The following SLC25A48 variants were observed in gnomAD, a reference collection of about 807,000 sequenced individuals.
The protein encoded by SLC25A48 is CTC-321K16.1.
Under a neutral mutation model 32.2 loss-of-function variants are expected in SLC25A48, and 29 were observed. The observed-to-expected ratio is 0.90, with a 90% CI of 0.67 to 1.23. The LOEUF (loss-of-function observed/expected upper bound fraction) is 1.23, where lower values mean the gene tolerates loss of function less well. Ranked by LOEUF, SLC25A48 falls within the 50% of genes most tolerant of loss-of-function variation. The probability of loss-of-function intolerance (pLI) is 0.00; values close to 1 mark genes in which losing one functional copy is unlikely to be tolerated. For missense variants in SLC25A48, 399 were observed against 422.7 expected (o/e 0.94, Z 0.49); for synonymous variants, 164 against 172.3 (o/e 0.95, Z 0.38).
intron 1 of SLC25A48, among the ~76,000 whole-genome samples, chr5:135,579,998 A>G (rs1751196945): frequency 2.0e-5 from 3 of 152,232 alleles, no homozygotes; most frequent in African/African-American, 2.4e-5. Context: ...TGTGAGAACT[A>G]TAGAAATCAT....
At chr5:135,825,531 A>T (rs558798422) in intron 4 of SLC25A48, among the ~76,000 whole-genome samples, 1 of 152,314 alleles carries the variant, frequency 6.6e-6, no homozygotes, top group East Asian at 1.9e-4. Flanking sequence ...TAGAGCAGAC[A>T]TGGGCCTGTC....
chr5:135,644,864 C>T (rs1752922177), intron 3 of SLC25A48, among the ~76,000 whole-genome samples: 2 of 152,210 alleles, frequency 1.3e-5, no homozygotes, highest in Admixed American at 1.3e-4. Context: ...AGGGACTTTC[C>T]ACCAAGGCTT....
rs200456511 is a variant in SLC25A48 at position 135,852,531 on chromosome 5, C to T, written c.163-32C>T. Reference sequence around the variant, plus strand: ...GGCTCTGCGACGGCAGCCCGGGGTCCTCACGCCTCTTCCTTCTGGTTTTCA... The same window carrying T: ...GGCTCTGCGACGGCAGCCCGGGGTCTTCACGCCTCTTCCTTCTGGTTTTCA... On this transcript the variant is annotated intron_variant, in intron 3 of 7. Coordinates refer to ENST00000681962, the MANE Select transcript of SLC25A48 (RefSeq NM_001349336.2). 1.9e-6 allele frequency: 3 copies of T among 1,569,212 alleles called. No individual in the cohort carries two copies. In the East Asian group the frequency reaches 6.8e-5, roughly 36 times the overall value.
intron 1 of SLC25A48, among the ~76,000 whole-genome samples, chr5:135,625,596 G>A (rs1030535062): frequency 1.3e-5 from 2 of 152,158 alleles, no homozygotes; most frequent in African/African-American, 4.8e-5. Flanking sequence ...TCACTCGGGA[G>A]TTAGCTCTGG....
chr5:135,835,561 G>C (rs1013223412), intron 1 of SLC25A48, among the ~76,000 whole-genome samples: 10 of 151,940 alleles, frequency 6.6e-5, no homozygotes, highest in Admixed American at 1.3e-4. Flanking sequence ...CCTGGGATGG[G>C]TTGCCTGGGC....
chr5:135,846,434 A>G (rs4976493), intron 2 of SLC25A48, among the ~76,000 whole-genome samples: 96,471 of 152,008 alleles, frequency 0.63, 30,777 homozygotes, highest in South Asian at 0.71. Context: ...ACCCAGTCCA[A>G]TCTGGGGCAT....
chr5:135,785,200 T>C (rs1376439143), intron 3 of SLC25A48, among the ~76,000 whole-genome samples: 3 of 152,076 alleles, frequency 2.0e-5, no homozygotes, highest in Admixed American at 6.5e-5. Flanking sequence ...AAAAAGTAAA[T>C]ACACTGTGTG....
At chr5:135,664,380 G>T (rs1580766535) in intron 3 of SLC25A48, among the ~76,000 whole-genome samples, 2 of 152,144 alleles carry the variant, frequency 1.3e-5, no homozygotes, top group Non-Finnish European at 2.9e-5. Flanking sequence ...CTGCATTCCA[G>T]TGGTGAGCAT....
At chr5:135,660,039 T>G (rs114085437) in intron 3 of SLC25A48, among the ~76,000 whole-genome samples, 2,021 of 152,302 alleles carry the variant, frequency 0.013, 45 homozygotes, top group African/African-American at 0.046. Context: ...GCACTTGATA[T>G]TGGATGCCTC....
In SLC25A48 at chr5:135,886,648, A is replaced by ATGTG. The variant is rs70976584; in HGVS notation, c.*8-1361_*8-1358dup. On this transcript the variant is annotated intron_variant, in intron 7 of 7. Transcript: ENST00000681962. ...ATATATATATATATAAAATATATAT[A>ATGTG]TGTGTGTGTGTGTGTGTGTGTGTGT... Among the ~76,000 whole-genome samples, 80 of 64,754 alleles carry ATGTG rather than the reference A, an allele frequency of 1.2e-3. 4 individuals are homozygous for ATGTG. The highest frequency in any genetic ancestry group is 2.0e-3 in the Non-Finnish European group (67 of 33,530). 42.5% of individuals were successfully genotyped at this position (64,754 alleles called of 152,430 possible). A position where few individuals can be genotyped will look rare whatever the true frequency, so the allele number is the denominator to read the frequency against.
intron 4 of SLC25A48, among the ~76,000 whole-genome samples, chr5:135,853,767 C>T (rs1760089510): frequency 6.6e-6 from 1 of 152,146 alleles, no homozygotes; most frequent in Admixed American, 6.5e-5. Flanking sequence ...TCCCATGAAC[C>T]CCAAATGCTC....
intron 3 of SLC25A48, among the ~76,000 whole-genome samples, chr5:135,731,318 C>A: frequency 6.6e-6 from 1 of 152,102 alleles, no homozygotes; most frequent in Non-Finnish European, 1.5e-5. Context: ...TTACTTCAGG[C>A]CATCTGGATG....
chr5:135,887,708 T>C (rs1435664050), intron 7 of SLC25A48, among the ~76,000 whole-genome samples: 1 of 152,094 alleles, frequency 6.6e-6, no homozygotes, highest in Non-Finnish European at 1.5e-5. Flanking sequence ...TCCTTCTCTG[T>C]GGTGGCAAGA....
chr5:135,724,814 C>T (rs1426496690), intron 3 of SLC25A48, among the ~76,000 whole-genome samples: 1 of 152,210 alleles, frequency 6.6e-6, no homozygotes, highest in African/African-American at 2.4e-5. Flanking sequence ...TTGGAACAGG[C>T]TGGTGCCATC....
At chr5:135,791,696 T>C (rs12656771) in intron 3 of SLC25A48, among the ~76,000 whole-genome samples, 15 of 150,756 alleles carry the variant, frequency 9.9e-5, no homozygotes, top group African/African-American at 3.7e-4. Flanking sequence ...TAAATTCACA[T>C]TGGGGGTACA....
intron 3 of SLC25A48, among the ~76,000 whole-genome samples, chr5:135,762,867 TGTGA>T (rs1379739197): frequency 1.3e-5 from 2 of 152,008 alleles, no homozygotes; most frequent in Admixed American, 6.6e-5. Context: ...AACTGCAGTG[TGTGA>T]GTGTGAGAAA....
intron 4 of SLC25A48, among the ~76,000 whole-genome samples, chr5:135,859,466 G>A (rs1041419331): frequency 2.6e-5 from 4 of 152,184 alleles, no homozygotes; most frequent in Non-Finnish European, 5.9e-5. Flanking sequence ...TTCAAGATGA[G>A]ATTTGGGTAG....
chr5:135,727,564 A>G (rs997692368), intron 3 of SLC25A48, among the ~76,000 whole-genome samples: 10 of 152,152 alleles, frequency 6.6e-5, no homozygotes, highest in Admixed American at 2.0e-4. Flanking sequence ...TTTATGAGCC[A>G]TTTTTAGTTA....
chr5:135,855,214 A>T (rs1760213024), intron 4 of SLC25A48, among the ~76,000 whole-genome samples: 1 of 152,240 alleles, frequency 6.6e-6, no homozygotes, highest in South Asian at 2.1e-4. Flanking sequence ...GTGAGCACAT[A>T]CTGTTAGACA....
Sources: allele counts gnomAD v4.1 joint callset (sites outside exome capture counted in the v4.1 genomes callset), GRCh38; gene constraint gnomAD v4.1.1; transcripts MANE v1.5; gene names NCBI Gene and HGNC (gene_info 2026-07-23, HGNC 2026-07-21).